USP21: variants seen among roughly 807,000 people sequenced by gnomAD.
USP21 encodes the protein ubiquitin specific peptidase 21.
USP21 carries 37 observed loss-of-function variants against 70.8 expected under a neutral mutation model. That is an observed-to-expected ratio of 0.52 (90% CI 0.40 to 0.69). The LOEUF is 0.69. Ranked by LOEUF, USP21 falls within the 30% of genes least tolerant of loss-of-function variation. The probability of loss-of-function intolerance (pLI) is 0.00; values close to 1 mark genes in which losing one functional copy is unlikely to be tolerated. For missense variants in USP21, 584 were observed against 740.8 expected (o/e 0.79, Z 2.46); for synonymous variants, 263 against 283.1 (o/e 0.93, Z 0.71).
At chr1:161,163,702 G>A in intron 8 of USP21, 83 bp downstream of exon 8, 2 of 1,461,170 alleles carry the variant, frequency 1.4e-6, no homozygotes, top group Non-Finnish European at 1.9e-6. Context: ...TACTATCAAG[G>A]GGTATGGGAA....
Position 161,161,069 on chromosome 1 carries a change from C to A in USP21, c.429C>A (p.Ala143=), listed in dbSNP as rs1245748978. The A allele has an allele frequency of 6.2e-7, 1 of 1,614,118 alleles. No homozygotes were observed. The highest frequency in any genetic ancestry group is 1.7e-5 in the Admixed American group (1 of 60,008). ...TTGGGGCTGCACTGAGCCGCTTGGCCCTCCGGCCTGAGCCACCCACTTTGA... is the reference window on the plus strand; with the variant it reads ...TTGGGGCTGCACTGAGCCGCTTGGCACTCCGGCCTGAGCCACCCACTTTGA... ...GELGAALSRL[A]LRPEPPTLRR... Residue 143 remains alanine (A), a synonymous_variant, in exon 3 of 14, where the codon GCC becomes GCA. Coordinates refer to ENST00000368002, the MANE Select transcript of USP21 (RefSeq NM_001014443.3). This position sits in a 1 kb window ranked among gnomAD's most constrained non-coding sequence, Gnocchi z 4.2.
rs1658305453 is a variant in USP21, at chr1:161,164,443, A to T, written c.1306-91A>T. ...CCAAGAGGATCCAGCTGTAATGAAG[A>T]GCATACTAAATTTGTATGTGGATCG... On this transcript the variant is annotated intron_variant, in intron 10 of 13. Transcript: ENST00000368002. The surrounding 1 kb of genome is among the most constrained non-coding windows in gnomAD (Gnocchi z 4.2). 6.7e-7 allele frequency: 1 copy of T among 1,497,404 alleles called. No individual in the cohort carries two copies. Among genetic ancestry groups the T allele is most frequent in the South Asian group, 1.1e-5 (1 of 87,684 alleles). The allele number at this position is 1,497,404 out of a possible 1,614,324, so 92.8% of individuals were successfully genotyped here. A position where few individuals can be genotyped will look rare whatever the true frequency, so the allele number is the denominator to read the frequency against.
At chr1:161,163,758 G>A in intron 8 of USP21, 120 bp from the exon 9 acceptor site, 1 of 1,325,100 alleles carries the variant, frequency 7.5e-7, no homozygotes, top group Admixed American at 1.7e-5. Flanking sequence ...GAGTTGATTA[G>A]GAGTGTTGGT....
chr1:161,163,909 C>G lies in USP21; in HGVS notation c.1146C>G (p.Leu382=). The change falls in exon 9 of 14, where the codon CTC becomes CTG. Residue 382 remains leucine, a synonymous_variant. Transcript: ENST00000368002. ...DLFVGQLKSC[L]KCQACGYRST... ...TTGTGGGCCAGTTGAAAAGTTGTCT[C>G]AAGTGCCAGGCCTGTGGGTATCGCT... 6.2e-7 allele frequency: 1 copy of G among 1,614,178 alleles called. No individual in the cohort carries two copies. The highest frequency in any genetic ancestry group is 8.5e-7 in the Non-Finnish European group (1 of 1,180,036).
At position 161,162,328 on chromosome 1, in the gene USP21, G is replaced by A. The variant is rs764663340; in HGVS notation, c.719G>A (p.Cys240Tyr). ...AGCACTCGACCTCTTCGGGACTTCT[G>A]TCTGAGAAGGGACTTCCGGCAAGAG... ...LSSTRPLRDF[C>Y]LRRDFRQEVP... The change falls in exon 5 of 14, where the codon TGT (cysteine) becomes TAT (tyrosine). Residue 240 changes from cysteine to tyrosine, a missense_variant. By Grantham distance (194) the Cys-to-Tyr change is radical (BLOSUM62 -2). Transcript: ENST00000368002. The surrounding 1 kb of genome is among the most constrained non-coding windows in gnomAD (Gnocchi z 4.1). The A allele has an allele frequency of 1.9e-6, 3 of 1,613,706 alleles. No homozygotes were observed. Among genetic ancestry groups the A allele is most frequent in the Non-Finnish European group, 2.5e-6 (3 of 1,179,830 alleles).
In USP21 at chr1:161,162,550, C is replaced by A. The variant is rs1658010411; in HGVS notation, c.782-65C>A. Reference sequence around the variant, plus strand: ...TAAAGGTTATTTTCTACCCTCTGAGCCACCTTTTGCTTGCCTCTTCCAGAC... The same window carrying A: ...TAAAGGTTATTTTCTACCCTCTGAGACACCTTTTGCTTGCCTCTTCCAGAC... On this transcript the variant is annotated intron_variant, in intron 5 of 13. Transcript: ENST00000368002. The surrounding 1 kb of genome is among the most constrained non-coding windows in gnomAD (Gnocchi z 4.1). 4 of 1,520,598 alleles carry A rather than the reference C, an allele frequency of 2.6e-6. No individual in the cohort carries two copies. The highest frequency in any genetic ancestry group is 3.6e-6 in the Non-Finnish European group (4 of 1,097,028). 94.2% of individuals were successfully genotyped at this position (1,520,598 alleles called of 1,614,324 possible).
chr1:161,161,766 C>G lies in USP21; in HGVS notation c.601-272C>G. The G allele has an allele frequency of 1.9e-6, 1 of 514,724 alleles. No homozygotes were observed. Among genetic ancestry groups the G allele is most frequent in the Non-Finnish European group, 3.5e-6 (1 of 286,316 alleles). The allele number at this position is 514,724 out of a possible 1,614,324, so 31.9% of individuals were successfully genotyped here. On this transcript the variant is annotated intron_variant, in intron 3 of 13. Transcript: ENST00000368002. The surrounding 1 kb of genome is among the most constrained non-coding windows in gnomAD (Gnocchi z 4.2). Reference sequence around the variant, plus strand: ...CCATGCCGGTGCTGGGGGAGTTGCCCCAGGAGCTGCAACGTCAGCTAGCTG... The same window carrying G: ...CCATGCCGGTGCTGGGGGAGTTGCCGCAGGAGCTGCAACGTCAGCTAGCTG...
Position 161,162,058 on chromosome 1 carries a change from G to A in USP21, c.621G>A (p.Leu207=), listed in dbSNP as rs1382540549. 6.2e-7 allele frequency: 1 copy of A among 1,614,188 alleles called. No homozygotes were observed. Among genetic ancestry groups the A allele is most frequent in the Admixed American group, 1.7e-5 (1 of 60,032 alleles). ...DDKMAHHTLL[L]GSGHVGLRNL... is the part of the protein sequence containing the mutation. The stretch of plus-strand genomic sequence containing the variant: ...TCCAGGCTCATCACACACTCCTTCT[G>A]GGCTCTGGTCATGTTGGCCTTCGAA... The change falls in exon 4 of 14, where the codon CTG becomes CTA. Residue 207 remains leucine (L), a synonymous_variant. Transcript: ENST00000368002. This position sits in a 1 kb window ranked among gnomAD's most constrained non-coding sequence, Gnocchi z 4.1.
At position 161,160,730 on chromosome 1, in the gene USP21, C is replaced by T. The variant is rs1469387885; in HGVS notation, c.90C>T (p.Ala30=). The change falls in exon 3 of 14, where the codon GCC becomes GCT. Residue 30 remains alanine (A), a synonymous_variant. Transcript: ENST00000368002. ...QPRVGSKLPF[A]PRARSKERRN... ...GAGTGGGATCCAAGCTACCATTTGCCCCCAGGGCCCGCAGCAAGGAGCGCA... is the reference window on the plus strand; with the variant it reads ...GAGTGGGATCCAAGCTACCATTTGCTCCCAGGGCCCGCAGCAAGGAGCGCA... 1.9e-6 allele frequency: 3 copies of T among 1,614,076 alleles called. No individual in the cohort carries two copies. Among genetic ancestry groups the T allele is most frequent in the Non-Finnish European group, 2.5e-6 (3 of 1,180,052 alleles).
In USP21 at chr1:161,165,555, G is replaced by A; in HGVS notation, c.*108G>A. 1 of 410,438 alleles carries A rather than the reference G, an allele frequency of 2.4e-6. No individual in the cohort carries two copies. Among genetic ancestry groups the A allele is most frequent in the Non-Finnish European group, 4.4e-6 (1 of 225,470 alleles). 25.4% of individuals were successfully genotyped at this position (410,438 alleles called of 1,614,324 possible). On this transcript the variant is annotated 3_prime_UTR_variant, in exon 14 of 14. Transcript: ENST00000368002. ...TTGTGTCTTTTTAATCGGGGAGGGG[G>A]GAGGGGGTGGTTGTAGCTCCATTAT...
chr1:161,164,285 G>A lies in USP21; in HGVS notation c.1305+35G>A, dbSNP rs1216202304. ...GGTTCACAAGGGATACAGTAAGGGT[G>A]GGAGACCTGGGGGGACTCCATGTGG... On this transcript the variant is annotated intron_variant, in intron 10 of 13. Coordinates refer to ENST00000368002, the MANE Select transcript of USP21 (RefSeq NM_001014443.3). This position sits in a 1 kb window ranked among gnomAD's most constrained non-coding sequence, Gnocchi z 4.2. 1.3e-6 allele frequency: 2 copies of A among 1,590,176 alleles called. No homozygotes were observed. The highest frequency in any genetic ancestry group is 1.3e-5 in the African/African-American group (1 of 74,370).
Position 161,160,893 on chromosome 1 carries a change from G to A in USP21, c.253G>A (p.Asp85Asn). ...TCGTCCCAGAGGCCCCCTTCGAGCAGATCATGGGGTTCCCCTGCCTGGCTC... is the reference window on the plus strand; with the variant it reads ...TCGTCCCAGAGGCCCCCTTCGAGCAAATCATGGGGTTCCCCTGCCTGGCTC... ...GPRPRGPLRADHGVPLPGSPP... is the reference protein window; with the variant it reads ...GPRPRGPLRANHGVPLPGSPP... Residue 85 changes from aspartate (D) to asparagine (N), a missense_variant, in exon 3 of 14, where the codon GAT (aspartate) becomes AAT (asparagine). By Grantham distance (23) the Asp-to-Asn change is conservative (BLOSUM62 1). Transcript: ENST00000368002. 6.2e-7 allele frequency: 1 copy of A among 1,614,236 alleles called. No individual in the cohort carries two copies. Among genetic ancestry groups the A allele is most frequent in the Non-Finnish European group, 8.5e-7 (1 of 1,180,034 alleles).
rs953670117 is a variant in USP21, at chr1:161,161,815, G to A, written c.601-223G>A. 2 of 583,358 alleles carry A rather than the reference G, an allele frequency of 3.4e-6. No individual in the cohort carries two copies. Among genetic ancestry groups the A allele is most frequent in the African/African-American group, 3.7e-5 (2 of 53,608 alleles). The allele number at this position is 583,358 out of a possible 1,614,324, so 36.1% of individuals were successfully genotyped here. On this transcript the variant is annotated intron_variant, in intron 3 of 13. Transcript: ENST00000368002. The surrounding 1 kb of genome is among the most constrained non-coding windows in gnomAD (Gnocchi z 4.2). Reference sequence around the variant, plus strand: ...TGAGCAGAGGAGTAAGTGGGCAACAGGTGGGACAGCCATGGCTGAGTCCGT... The same window carrying A: ...TGAGCAGAGGAGTAAGTGGGCAACAAGTGGGACAGCCATGGCTGAGTCCGT...
At position 161,162,859 on chromosome 1, in the gene USP21, G is replaced by A. The variant is rs1571284595; in HGVS notation, c.894-60G>A. ...GAAGTGGGGACCAATATCTGGGCAG[G>A]GAATAGTGTCTGTGGACTAGGAGAG... On this transcript the variant is annotated intron_variant, in intron 6 of 13. Transcript: ENST00000368002. This position sits in a 1 kb window ranked among gnomAD's most constrained non-coding sequence, Gnocchi z 4.1. 2 of 1,594,030 alleles carry A rather than the reference G, an allele frequency of 1.3e-6. No homozygotes were observed. The highest frequency in any genetic ancestry group is 2.2e-5 in the East Asian group (1 of 44,640).
Position 161,162,941 on chromosome 1 carries a change from C to T in USP21, c.916C>T (p.Leu306=), listed in dbSNP as rs1248893750. 9 of 1,611,014 alleles carry T rather than the reference C, an allele frequency of 5.6e-6. No homozygotes were observed. Among genetic ancestry groups the T allele is most frequent in the Non-Finnish European group, 7.6e-6 (9 of 1,178,834 alleles). Reference sequence around the variant, plus strand: ...TAGCCAGCAGGATGCCCAAGAGTTCCTGAAGCTCCTCATGGAGCGGCTACA... The same window carrying T: ...TAGCCAGCAGGATGCCCAAGAGTTCTTGAAGCTCCTCATGGAGCGGCTACA... ...GYSQQDAQEF[L]KLLMERLHLE... Residue 306 remains leucine (L), a synonymous_variant, in exon 7 of 14, where the codon CTG becomes TTG. Transcript: ENST00000368002. The surrounding 1 kb of genome is among the most constrained non-coding windows in gnomAD (Gnocchi z 4.1).
chr1:161,162,598 C>T lies in USP21; in HGVS notation c.782-17C>T. 6.3e-7 allele frequency: 1 copy of T among 1,595,034 alleles called. No individual in the cohort carries two copies. The highest frequency in any genetic ancestry group is 1.1e-5 in the South Asian group (1 of 90,604). ...GACATTAACCTTTGTTTGCCTTCCC[C>T]ACTCCCATCCCAACAGCCTTTGCAG... On this transcript the variant is annotated splice_polypyrimidine_tract_variant and intron_variant, in intron 5 of 13. Transcript: ENST00000368002. The surrounding 1 kb of genome is among the most constrained non-coding windows in gnomAD (Gnocchi z 4.1).
intron 8 of USP21, 38 bp from the exon 9 acceptor site, chr1:161,163,840 A>T: frequency 6.3e-7 from 1 of 1,582,110 alleles, no homozygotes; most frequent in Non-Finnish European, 8.7e-7. Flanking sequence ...ATAACATCCA[A>T]CAATGACCTT....
intron 1 of USP21, 95 bp from the exon 2 acceptor site, chr1:161,160,271 T>C (rs1343611229): frequency 3.9e-6 from 1 of 257,368 alleles, no homozygotes; most frequent in Non-Finnish European, 7.6e-6. Context: ...GGGTCGGGAG[T>C]ATAGAAAGGG....
chr1:161,161,705 G>T lies in USP21; in HGVS notation c.601-333G>T. 1 of 449,624 alleles carries T rather than the reference G, an allele frequency of 2.2e-6. No individual in the cohort carries two copies. The highest frequency in any genetic ancestry group is 4.0e-6 in the Non-Finnish European group (1 of 248,154). The allele number at this position is 449,624 out of a possible 1,614,324, so 27.9% of individuals were successfully genotyped here. A position where few individuals can be genotyped will look rare whatever the true frequency, so the allele number is the denominator to read the frequency against. On this transcript the variant is annotated intron_variant, in intron 3 of 13. Coordinates refer to ENST00000368002, the MANE Select transcript of USP21 (RefSeq NM_001014443.3). The surrounding 1 kb of genome is among the most constrained non-coding windows in gnomAD (Gnocchi z 4.2). The stretch of plus-strand genomic sequence containing the variant: ...GCCACGGGGGCAGGAGGGGGTTTTG[G>T]GGGCAGAAAGGTGGGAGTGGTGAGC...
Sources: allele counts gnomAD v4.1 joint callset, GRCh38; gene constraint gnomAD v4.1.1; non-coding constraint Gnocchi (gnomAD v3.1); transcripts MANE v1.5; gene names NCBI Gene and HGNC (gene_info 2026-07-23, HGNC 2026-07-21).